The following IL5RA variants were observed in gnomAD, a reference collection of about 807,000 sequenced individuals.
IL5RA encodes the protein interleukin-5 receptor subunit alpha.
IL5RA carries 49 observed loss-of-function variants against 50.0 expected under a neutral mutation model. That is an observed-to-expected ratio of 0.98 (90% CI 0.78 to 1.24). The LOEUF is 1.24. Among genes scored for constraint, IL5RA ranks in the 50% most tolerant of loss-of-function variants. The pLI is 0.00. For missense variants in IL5RA, 600 were observed against 500.4 expected, an observed-to-expected ratio of 1.20 and a Z score of -1.90; for synonymous variants, 202 against 174.0, an observed-to-expected ratio of 1.16 and a Z score of -1.26.
intron 9 of IL5RA, among the ~76,000 whole-genome samples, chr3:3,079,595 C>T (rs904514965): frequency 6.6e-6 from 1 of 152,158 alleles, no homozygotes; most frequent in African/African-American, 2.4e-5. Context: ...TTCTGGGCCT[C>T]GGTTTCCTCA....
chr3:3,087,272 G>A (rs1299462100), intron 9 of IL5RA, among the ~76,000 whole-genome samples: 1 of 152,058 alleles, frequency 6.6e-6, no homozygotes, highest in Non-Finnish European at 1.5e-5. Context: ...TCTAGGACAG[G>A]AGAGCCAATC....
chr3:3,103,784 TC>T (rs1703770967), intron 3 of IL5RA, among the ~76,000 whole-genome samples: 2 of 61,990 alleles, frequency 3.2e-5, no homozygotes, highest in African/African-American at 1.4e-4. Context: ...TATGATATAT[TC>T]GTTATGTTTT....
intron 5 of IL5RA, among the ~76,000 whole-genome samples, chr3:3,099,422 A>G (rs961862949): frequency 3.3e-5 from 5 of 152,118 alleles, no homozygotes; most frequent in Non-Finnish European, 5.9e-5. Flanking sequence ...TGAGCTCAGG[A>G]GTTTGAAACA....
chr3:3,108,256 A>G (rs1322346079), intron 2 of IL5RA, among the ~76,000 whole-genome samples: 1 of 152,210 alleles, frequency 6.6e-6, no homozygotes, highest in Admixed American at 6.5e-5. Flanking sequence ...AAAACTGCAC[A>G]TTCCTAAATA....
At chr3:3,109,877 C>G (rs1156456665) in intron 1 of IL5RA, 68 bp downstream of exon 1, 1 of 152,100 alleles carries the variant, frequency 6.6e-6, no homozygotes, top group African/African-American at 2.4e-5. Context: ...TTGTTACAGC[C>G]CATGTCATAG....
chr3:3,067,531 ATGCAG>A lies in IL5RA; in HGVS notation c.*2689_*2693del, dbSNP rs1357249272. On this transcript the variant is annotated 3_prime_UTR_variant, in exon 12 of 12. Coordinates refer to ENST00000446632, the MANE Select transcript of IL5RA (RefSeq NM_175726.4). ...CCAGCTGTTAATGGTATATTCTACA[ATGCAG>A]TAGCTCTAACACGGGTATGAGGCCC... 3.3e-5 allele frequency: 5 copies of A among 152,228 alleles called. No homozygotes were observed. Among genetic ancestry groups the A allele is most frequent in the Admixed American group, 2.6e-4 (4 of 15,276 alleles). The allele number at this position is 152,228 out of a possible 1,614,324, so 9.4% of individuals were successfully genotyped here.
Position 3,098,031 on chromosome 3 carries a change from T to A in IL5RA, c.548A>T (p.Gln183Leu), listed in dbSNP as rs1053861481. ...CCCCAGTGTGTCTTTGCTGTATTCT[T>A]GGCATTCTTCAGTCCAAGAGCCATA... ...YRYGSWTEEC[Q>L]EYSKDTLGRN... The change falls in exon 7 of 12, where the codon CAA becomes CTA. Residue 183 changes from glutamine (Q) to leucine (L), a missense_variant. By Grantham distance (113) the Gln-to-Leu change is moderately radical. Transcript: ENST00000446632. The A allele has an allele frequency of 6.8e-6, 11 of 1,614,196 alleles. No individual in the cohort carries two copies. The highest frequency in any genetic ancestry group is 9.3e-6 in the Non-Finnish European group (11 of 1,180,036).
Position 3,074,753 on chromosome 3 carries a change from C to T in IL5RA, c.1176+29G>A, listed in dbSNP as rs147942670. On this transcript the variant is annotated intron_variant, in intron 11 of 11. Transcript: ENST00000446632. ...CAGGGGACTCAACCCTGGACACATA[C>T]GGCATATCATAAGAACTTTCAACAT... 1.1e-4 allele frequency: 142 copies of T among 1,318,770 alleles called. 1 individual carries two copies. Among genetic ancestry groups the T allele is most frequent in the African/African-American group, 9.7e-4 (67 of 69,134 alleles). The allele number at this position is 1,318,770 out of a possible 1,614,324, so 81.7% of individuals were successfully genotyped here.
At chr3:3,097,150 G>A (rs897510432) in intron 7 of IL5RA, among the ~76,000 whole-genome samples, 1 of 152,216 alleles carries the variant, frequency 6.6e-6, no homozygotes, top group African/African-American at 2.4e-5. Context: ...AACTATCTGG[G>A]ATGAGGGAGA....
At chr3:3,103,955 C>T (rs1703781264) in intron 3 of IL5RA, among the ~76,000 whole-genome samples, 1 of 152,204 alleles carries the variant, frequency 6.6e-6, no homozygotes, top group Non-Finnish European at 1.5e-5. Flanking sequence ...ATGTTTACCA[C>T]ATGAGGACTT....
rs1282957241 is a variant in IL5RA at position 3,068,574 on chromosome 3, A to C, written c.*1651T>G. On this transcript the variant is annotated 3_prime_UTR_variant, in exon 12 of 12. Coordinates refer to ENST00000446632, the MANE Select transcript of IL5RA (RefSeq NM_175726.4). ...TGGGAGACAGAACAAGACTGTCTCC[A>C]CCACCCACCCCACAAAAAAAAAAAA... is the stretch of plus-strand genomic sequence containing the variant. 2 of 120,644 alleles carry C rather than the reference A, an allele frequency of 1.7e-5. No homozygotes were observed. Among genetic ancestry groups the C allele is most frequent in the African/African-American group, 3.6e-5 (1 of 27,670 alleles). 7.5% of individuals were successfully genotyped at this position (120,644 alleles called of 1,614,324 possible).
intron 9 of IL5RA, among the ~76,000 whole-genome samples, chr3:3,091,215 TTTAAA>T (rs1287839694): frequency 6.6e-6 from 1 of 152,160 alleles, no homozygotes; most frequent in African/African-American, 2.4e-5. Flanking sequence ...ATCTTCTTTT[TTTAAA>T]AAAGTATAAA....
intron 11 of IL5RA, chr3:3,073,869 G>A (rs1302102872): frequency 1.9e-5 from 8 of 430,700 alleles, no homozygotes; most frequent in South Asian, 6.8e-5. Flanking sequence ...ACTTTTGGAG[G>A]CCTTCCACAA....
chr3:3,070,807 T>C (rs1294845642), intron 11 of IL5RA, among the ~76,000 whole-genome samples: 5 of 152,004 alleles, frequency 3.3e-5, no homozygotes, highest in African/African-American at 9.7e-5. Context: ...GGTCTCGAAC[T>C]CTTGACCTTG....
In IL5RA at chr3:3,075,867, T is replaced by C. The variant is rs1273875992; in HGVS notation, c.1091+664A>G. On this transcript the variant is annotated intron_variant, in intron 10 of 11. Transcript: ENST00000446632. ...CACCCGCTGTGGCCTCCCAAAGTGC[T>C]GGGATTACAGGAGTGAGCCCCCACA... Among the ~76,000 whole-genome samples, 3 of 152,332 alleles carry C rather than the reference T, an allele frequency of 2.0e-5. No individual in the cohort carries two copies. The East Asian group carries it at 5.8e-4, about 29-fold the overall frequency.
intron 9 of IL5RA, among the ~76,000 whole-genome samples, chr3:3,086,980 A>T (rs758245914): frequency 6.6e-6 from 1 of 152,208 alleles, no homozygotes; most frequent in Non-Finnish European, 1.5e-5. Context: ...ACCAAATACC[A>T]TATGTTCTCA....
chr3:3,090,286 G>C, intron 9 of IL5RA: 10 of 1,459,014 alleles, frequency 6.9e-6, no homozygotes, highest in Non-Finnish European at 9.5e-6. Context: ...TATTTGTCTG[G>C]GGATACACAA....
chr3:3,090,814 C>T (rs1031303329), intron 9 of IL5RA, among the ~76,000 whole-genome samples: 3 of 152,002 alleles, frequency 2.0e-5, no homozygotes, highest in African/African-American at 7.3e-5. Context: ...ACCTCGTGAT[C>T]TGCCCATCTC....
intron 8 of IL5RA, among the ~76,000 whole-genome samples, chr3:3,094,843 C>T (rs17882367): frequency 0.033 from 4,967 of 152,140 alleles, 220 homozygotes; most frequent in African/African-American, 0.11. Flanking sequence ...CTGCCTCAGC[C>T]CCTGCCCCCG....
Sources: allele counts gnomAD v4.1 joint callset (sites outside exome capture counted in the v4.1 genomes callset), GRCh38; gene constraint gnomAD v4.1.1; transcripts MANE v1.5; gene names NCBI Gene and HGNC (gene_info 2026-07-23, HGNC 2026-07-21).